EIF3A: variants seen among roughly 807,000 people sequenced by gnomAD.
EIF3A encodes eukaryotic translation initiation factor 3 subunit A.
In EIF3A, 21 loss-of-function variants were observed where a neutral mutation model predicts 186.6. The observed-to-expected ratio is 0.11, with a 90% CI of 0.08 to 0.16. The LOEUF (loss-of-function observed/expected upper bound fraction) is 0.16, where lower values mean the gene tolerates loss of function less well. Ranked by LOEUF, EIF3A falls within the 10% of genes least tolerant of loss-of-function variation. The pLI is 1.00. For missense variants in EIF3A, 1,306 were observed against 1,796.3 expected (o/e 0.73, Z 4.93); for synonymous variants, 563 against 584.3 (o/e 0.96, Z 0.52).
chr10:119,059,482 G>A, intron 10 of EIF3A, 85 bp from the exon 11 acceptor site: 1 of 1,296,604 alleles, frequency 7.7e-7, no homozygotes, highest in Non-Finnish European at 1.1e-6. Context: ...TACAAAAGCT[G>A]GAAAAGTTCA....
chr10:119,065,606 TA>T (rs1228034933), intron 6 of EIF3A, 36 bp from the exon 7 acceptor site: 1 of 1,464,452 alleles, frequency 6.8e-7, no homozygotes, highest in Non-Finnish European at 9.5e-7. Context: ...GTTAGGTTTG[TA>T]AATGATACTT....
At chr10:119,049,656 A>G in intron 17 of EIF3A, 145 bp downstream of exon 17, 1 of 671,618 alleles carries the variant, frequency 1.5e-6, no homozygotes, top group Non-Finnish European at 2.6e-6. Flanking sequence ...GGAGGCTGAG[A>G]CACGAGAATC....
intron 14 of EIF3A, among the ~76,000 whole-genome samples, chr10:119,052,608 T>G (rs976141855): frequency 3.3e-5 from 5 of 152,070 alleles, no homozygotes; most frequent in African/African-American, 1.2e-4. Context: ...ACTCCTGGAC[T>G]CATGCAATCT....
rs1848355168 is a variant in EIF3A, at chr10:119,051,450, A to G, written c.2197-129T>C. The stretch of plus-strand genomic sequence containing the variant: ...CCCTTCTGTCATGCCATAAAAATGA[A>G]AACGTTAACTACATCCATGTCAATA... On this transcript the variant is annotated intron_variant, in intron 14 of 21. Coordinates refer to ENST00000369144, the MANE Select transcript of EIF3A (RefSeq NM_003750.4). The G allele has an allele frequency of 5.5e-6, 5 of 913,890 alleles. No homozygotes were observed. The East Asian group carries it at 1.4e-4, about 26-fold the overall frequency. The allele number at this position is 913,890 out of a possible 1,614,324, so 56.6% of individuals were successfully genotyped here. A position where few individuals can be genotyped will look rare whatever the true frequency, so the allele number is the denominator to read the frequency against.
At chr10:119,054,786 G>A (rs2119819054) in intron 14 of EIF3A, among the ~76,000 whole-genome samples, 2 of 151,914 alleles carry the variant, frequency 1.3e-5, no homozygotes, top group South Asian at 4.1e-4. Context: ...AAGAGGCCTA[G>A]CTTTCAACAT....
chr10:119,059,799 G>C (rs2119819485), intron 9 of EIF3A, 81 bp from the exon 10 acceptor site: 1 of 907,944 alleles, frequency 1.1e-6, no homozygotes, highest in African/African-American at 1.6e-5. Context: ...ACAGTCATGG[G>C]AAGTAGAAAT....
At chr10:119,037,907 A>ATTTTT (rs575308953) in intron 20 of EIF3A, among the ~76,000 whole-genome samples, 15 of 93,100 alleles carry the variant, frequency 1.6e-4, no homozygotes, top group Non-Finnish European at 2.3e-4. Flanking sequence ...TTAAGAGGGA[A>ATTTTT]TTTTTTTTTT....
rs777907958 is a variant in EIF3A, at chr10:119,037,130, T to A, written c.3908A>T (p.Glu1303Val). ...TGTAACCTCTATACCTTCTTCACGT[T>A]CTGATCTGAGTGGAGGTCCTCTTCG... is the stretch of plus-strand genomic sequence containing the variant. ...RDRRGPPLRS[E>V]REEVSSWRRA... Residue 1303 changes from glutamate (E) to valine (V), a missense_variant, in exon 21 of 22, where the codon GAA becomes GTA. This residue lies in a region of EIF3A where 331 missense variants were observed against 365.8 expected (regional missense o/e 0.90). Coordinates refer to ENST00000369144, the MANE Select transcript of EIF3A (RefSeq NM_003750.4). 2 of 1,472,718 alleles carry A rather than the reference T, an allele frequency of 1.4e-6. No homozygotes were observed. The highest frequency in any genetic ancestry group is 2.2e-5 in the South Asian group (2 of 89,240). The allele number at this position is 1,472,718 out of a possible 1,614,324, so 91.2% of individuals were successfully genotyped here.
intron 14 of EIF3A, among the ~76,000 whole-genome samples, chr10:119,052,368 T>TTTTGTGTGTGTGTGTGTGTGTG (rs140398720): frequency 4.1e-5 from 5 of 122,972 alleles, no homozygotes; most frequent in African/African-American, 1.5e-4. Context: ...TTTTTTGGTT[T>TTTTGTGTGTGTGTGTGTGTGTG]TGTGTGTGTG....
At chr10:119,059,540 G>A (rs1171084827) in intron 10 of EIF3A, 62 bp downstream of exon 10, 6 of 1,396,096 alleles carry the variant, frequency 4.3e-6, no homozygotes, top group Non-Finnish European at 6.1e-6. Flanking sequence ...CTGAGAAACA[G>A]AAGGTATGTG....
At chr10:119,078,603 G>C (rs1388628535) in intron 1 of EIF3A, among the ~76,000 whole-genome samples, 3 of 152,048 alleles carry the variant, frequency 2.0e-5, no homozygotes, top group Non-Finnish European at 4.4e-5. Flanking sequence ...AAAGGTATGA[G>C]TTTCTACTCT....
At chr10:119,050,390 A>C (rs931791682) in intron 16 of EIF3A, 131 bp downstream of exon 16, 6 of 866,134 alleles carry the variant, frequency 6.9e-6, no homozygotes, top group Non-Finnish European at 1.1e-5. Context: ...CTGGGTTCTG[A>C]GATCCAGTTA....
intron 17 of EIF3A, among the ~76,000 whole-genome samples, chr10:119,049,331 T>C (rs1375482459): frequency 6.6e-6 from 1 of 152,008 alleles, no homozygotes; most frequent in Non-Finnish European, 1.5e-5. Flanking sequence ...CTACTAAAAA[T>C]ACAAAAATCA....
rs150218827 is a variant in EIF3A, at chr10:119,059,249, G to A, written c.1592C>T (p.Ala531Val). 6.2e-7 allele frequency: 1 copy of A among 1,614,176 alleles called. No homozygotes were observed. The highest frequency in any genetic ancestry group is 8.5e-7 in the Non-Finnish European group (1 of 1,180,030). The stretch of plus-strand genomic sequence containing the variant: ...TGGTTTAATGACTTCAAGTGCTTTT[G>A]CAAGTACTGAGGACATGGCTGTCAG... ...NQLTAMSSVL[A>V]KALEVIKPAH... The change falls in exon 11 of 22, where the codon GCA (alanine) becomes GTA (valine). Residue 531 changes from alanine (A) to valine (V), a missense_variant. Around this residue, in one of 8 missense-constraint regions of EIF3A, gnomAD observed 44 missense variants for 43.4 expected, o/e 1.01. Coordinates refer to ENST00000369144, the MANE Select transcript of EIF3A (RefSeq NM_003750.4).
chr10:119,054,885 T>C (rs1044768171), intron 14 of EIF3A, among the ~76,000 whole-genome samples: 1 of 152,184 alleles, frequency 6.6e-6, no homozygotes, highest in Admixed American at 6.5e-5. Flanking sequence ...TAAAAGCCAT[T>C]GTGGAATTGT....
In EIF3A at chr10:119,073,021, G is replaced by A; in HGVS notation, c.410C>T (p.Thr137Ile). Residue 137 changes from threonine to isoleucine, a missense_variant, in exon 4 of 22, where the codon ACT becomes ATT. By Grantham distance (89) the Thr-to-Ile change is moderately conservative (BLOSUM62 -1). This residue lies in a region of EIF3A where 130 missense variants were observed against 259.3 expected (regional missense o/e 0.50). Coordinates refer to ENST00000369144, the MANE Select transcript of EIF3A (RefSeq NM_003750.4). ...AAGTAATCTGTCAGTACGATCCTGA[G>A]TGTCTTCACCACTTACAGCACTTAG... ...VLLSAVSGEDTQDRTDRLLLT... is the reference protein window; with the variant it reads ...VLLSAVSGEDIQDRTDRLLLT... 6.2e-7 allele frequency: 1 copy of A among 1,613,792 alleles called. No individual in the cohort carries two copies. The highest frequency in any genetic ancestry group is 8.5e-7 in the Non-Finnish European group (1 of 1,179,934).
Position 119,059,189 on chromosome 10 carries a change from T to C in EIF3A, c.1629+23A>G, listed in dbSNP as rs893840458. 1.1e-5 allele frequency: 17 copies of C among 1,603,936 alleles called. No homozygotes were observed. The Admixed American group carries it at 2.2e-4, about 21-fold the overall frequency. ...AGAGTCCCTCAAAACTTCTGGGATT[T>C]ATTTCCCCGGGAAGATGCATACCAG... On this transcript the variant is annotated intron_variant, in intron 11 of 21. Coordinates refer to ENST00000369144, the MANE Select transcript of EIF3A (RefSeq NM_003750.4).
rs1300097610 is a variant in EIF3A, at chr10:119,037,395, A to G, written c.3729-86T>C. 13 of 1,207,078 alleles carry G rather than the reference A, an allele frequency of 1.1e-5. No individual in the cohort carries two copies. In the East Asian group the frequency reaches 3.2e-4, roughly 30 times the overall value. 74.8% of individuals were successfully genotyped at this position (1,207,078 alleles called of 1,614,324 possible). On this transcript the variant is annotated intron_variant, in intron 20 of 21. Coordinates refer to ENST00000369144, the MANE Select transcript of EIF3A (RefSeq NM_003750.4). ...GTACATCCAGTCCAAGCTGGGGCTTAGAGTTTACAAATATAACAGACAGTT... is the reference window on the plus strand; with the variant it reads ...GTACATCCAGTCCAAGCTGGGGCTTGGAGTTTACAAATATAACAGACAGTT...
intron 1 of EIF3A, chr10:119,080,271 A>G (rs1844242096): frequency 1.0e-6 from 1 of 977,808 alleles, no homozygotes; most frequent in Non-Finnish European, 1.2e-6. Context: ...CGCGGGCCCT[A>G]AGCAGACCAA....
Sources: allele counts gnomAD v4.1 joint callset (sites outside exome capture counted in the v4.1 genomes callset), GRCh38; gene constraint gnomAD v4.1.1; regional missense constraint gnomAD v4.1.1; transcripts MANE v1.5; gene names NCBI Gene and HGNC (gene_info 2026-07-23, HGNC 2026-07-21).